CORO2B: variants seen among roughly 807,000 people sequenced by gnomAD.
CORO2B encodes the protein coronin-2B.
A neutral mutation model predicts 58.8 loss-of-function variants in CORO2B; 26 were observed. That is an observed-to-expected ratio of 0.44 (90% CI 0.32 to 0.61). The LOEUF (loss-of-function observed/expected upper bound fraction) is 0.61. Among genes scored for constraint, CORO2B ranks in the 20% least tolerant of loss-of-function variants. The pLI is 0.04. For missense variants in CORO2B, 460 were observed against 645.1 expected (o/e 0.71, Z 3.11); for synonymous variants, 242 against 253.8 (o/e 0.95, Z 0.44).
At chr15:68,683,573 C>A (rs979086939) in intron 2 of CORO2B, among the ~76,000 whole-genome samples, 1 of 152,206 alleles carries the variant, frequency 6.6e-6, no homozygotes, top group Non-Finnish European at 1.5e-5. Flanking sequence ...CCACCCCTCC[C>A]CCCACTGTAG....
At chr15:68,680,744 C>T (rs1490362070) in intron 2 of CORO2B, among the ~76,000 whole-genome samples, 1 of 152,192 alleles carries the variant, frequency 6.6e-6, no homozygotes, top group Non-Finnish European at 1.5e-5. Flanking sequence ...GTTAGTTAAT[C>T]TCACTAAGCT....
chr15:68,561,713 G>A, the CORO2B span, among the ~76,000 whole-genome samples: 490 of 152,338 alleles, frequency 3.2e-3, 1 homozygote, highest in African/African-American at 0.011. Context: ...GTCTGTTATC[G>A]TGTACAGGAC....
chr15:68,640,348 T>C (rs184760429), intron 1 of CORO2B, among the ~76,000 whole-genome samples: 70 of 152,274 alleles, frequency 4.6e-4, no homozygotes, highest in Admixed American at 3.9e-3. Context: ...AATGGAGACA[T>C]AGTAACCTGA....
At chr15:68,697,038 G>A (rs1892528559) in intron 3 of CORO2B, among the ~76,000 whole-genome samples, 2 of 152,230 alleles carry the variant, frequency 1.3e-5, no homozygotes, top group African/African-American at 4.8e-5. Flanking sequence ...TGCACCCCAT[G>A]CATCCAGCAC....
chr15:68,679,525 C>A (rs988299354), intron 2 of CORO2B, among the ~76,000 whole-genome samples: 1 of 152,212 alleles, frequency 6.6e-6, no homozygotes, highest in African/African-American at 2.4e-5. Context: ...AGCTAACCTG[C>A]ATTTTGCAGA....
chr15:68,706,400 C>T (rs938060470), intron 3 of CORO2B, among the ~76,000 whole-genome samples: 2 of 152,224 alleles, frequency 1.3e-5, no homozygotes, highest in Admixed American at 1.3e-4. Flanking sequence ...TCTGCATGCA[C>T]CGCTTAGTGC....
At chr15:68,698,631 T>C (rs1892569719) in intron 3 of CORO2B, among the ~76,000 whole-genome samples, 1 of 152,108 alleles carries the variant, frequency 6.6e-6, no homozygotes, top group African/African-American at 2.4e-5. Flanking sequence ...AGGGATCTGG[T>C]AGACCTGGGC....
chr15:68,718,664 G>C, intron 8 of CORO2B, 34 bp from the exon 9 acceptor site: 1 of 1,554,632 alleles, frequency 6.4e-7, no homozygotes, highest in South Asian at 1.1e-5. Context: ...GCAGTTTCTG[G>C]GACCCCATGG....
chr15:68,652,226 G>A (rs1212212132), intron 2 of CORO2B, among the ~76,000 whole-genome samples: 2 of 152,232 alleles, frequency 1.3e-5, no homozygotes, highest in Non-Finnish European at 2.9e-5. Context: ...CTGCCGTTGT[G>A]AAGGCCAGTG....
chr15:68,658,947 C>T (rs1046352963), intron 2 of CORO2B, among the ~76,000 whole-genome samples: 6 of 152,376 alleles, frequency 3.9e-5, no homozygotes, highest in Admixed American at 2.0e-4. Flanking sequence ...GCCTTTGCCC[C>T]GGCTGTTTCT....
the CORO2B span, among the ~76,000 whole-genome samples, chr15:68,545,614 G>T: frequency 1.9e-4 from 29 of 151,698 alleles, 3 homozygotes; most frequent in South Asian, 2.5e-3. Flanking sequence ...GCGGGGGGCG[G>T]GGGGGGTAAT....
intron 2 of CORO2B, among the ~76,000 whole-genome samples, chr15:68,679,076 A>G (rs866548219): frequency 4.6e-5 from 7 of 152,224 alleles, no homozygotes; most frequent in Admixed American, 1.3e-4. Flanking sequence ...GGATGAGTTC[A>G]GTAGATATTT....
At chr15:68,554,710 A>G in the CORO2B span, among the ~76,000 whole-genome samples, 11 of 152,216 alleles carry the variant, frequency 7.2e-5, no homozygotes, top group African/African-American at 2.7e-4. Context: ...ACTTCATTAT[A>G]CATGAGGAAA....
chr15:68,714,690 G>A, intron 7 of CORO2B, 27 bp downstream of exon 7: 2 of 1,570,444 alleles, frequency 1.3e-6, no homozygotes, highest in Non-Finnish European at 8.8e-7. Context: ...GAGGGCCCGG[G>A]GCAGCCTGTG....
chr15:68,612,728 T>G (rs1321607118), intron 1 of CORO2B, among the ~76,000 whole-genome samples: 1 of 152,218 alleles, frequency 6.6e-6, no homozygotes, highest in Admixed American at 6.5e-5. Flanking sequence ...AAGAAACTCA[T>G]GATCCTCACG....
chr15:68,594,004 G>C lies in CORO2B; in HGVS notation c.15+14727G>C, dbSNP rs1899767052. 2.0e-5 allele frequency among the ~76,000 whole-genome samples: 3 copies of C among 152,200 alleles called. No homozygotes were observed. In the South Asian group the frequency reaches 6.2e-4, roughly 31 times the overall value. On this transcript the variant is annotated intron_variant, in intron 1 of 11. Transcript: ENST00000261861. ...GTATGACTTGAGCAGAGAGAGATGT[G>C]GTTGGGTGGCACAGGAAATGATAGT...
the CORO2B span, among the ~76,000 whole-genome samples, chr15:68,548,277 G>C: frequency 6.6e-6 from 1 of 151,558 alleles, no homozygotes; most frequent in Admixed American, 6.6e-5. Flanking sequence ...CTATTTTATA[G>C]AATAAGAATA....
At chr15:68,544,887 C>T in the CORO2B span, among the ~76,000 whole-genome samples, 1 of 152,132 alleles carries the variant, frequency 6.6e-6, no homozygotes, top group African/African-American at 2.4e-5. Flanking sequence ...CGCCATTCTC[C>T]TGCCTCAGCC....
chr15:68,518,402 C>T, the CORO2B span, among the ~76,000 whole-genome samples: 2 of 151,954 alleles, frequency 1.3e-5, no homozygotes, highest in African/African-American at 4.8e-5. Flanking sequence ...TCCTGCTTCC[C>T]TCTCCTTTCT....
Sources: allele counts gnomAD v4.1 joint callset (sites outside exome capture counted in the v4.1 genomes callset), GRCh38; gene constraint gnomAD v4.1.1; transcripts MANE v1.5; gene names NCBI Gene and HGNC (gene_info 2026-07-23, HGNC 2026-07-21).